Variants in SCNN1A observed in about 807,000 individuals in gnomAD.
The protein encoded by SCNN1A is epithelial sodium channel subunit alpha.
In SCNN1A, 65 loss-of-function variants were observed where a neutral mutation model predicts 68.6. That is an observed-to-expected ratio of 0.95 (90% CI 0.78 to 1.16). SCNN1A has a LOEUF of 1.16. Among genes scored for constraint, SCNN1A ranks in the 50% most tolerant of loss-of-function variants. SCNN1A has a pLI of 0.00. For missense variants in SCNN1A, 880 were observed against 865.9 expected (o/e 1.02, Z -0.20); for synonymous variants, 357 against 353.3 (o/e 1.01, Z -0.12).
chr12:6,375,250 CT>C, intron 1 of SCNN1A: 1 of 1,438,694 alleles, frequency 7.0e-7, no homozygotes, highest in East Asian at 2.5e-5. Context: ...CTGCTCTCCT[CT>C]TTCTGGCCTG....
Position 6,354,877 on chromosome 12 carries a change from G to C in SCNN1A, c.1144-29C>G, listed in dbSNP as rs1360467616. 1.4e-5 allele frequency: 22 copies of C among 1,576,834 alleles called. No homozygotes were observed. In the Admixed American group the frequency reaches 3.5e-4, roughly 25 times the overall value. On this transcript the variant is annotated intron_variant, in intron 6 of 12. Coordinates refer to ENST00000228916, the MANE Select transcript of SCNN1A (RefSeq NM_001038.6). Reference sequence around the variant, plus strand: ...TGAACCCACATACACCAAGAGATCAGAGGACAGAGCAAGTGCCTCTGGGTT... The same window carrying C: ...TGAACCCACATACACCAAGAGATCACAGGACAGAGCAAGTGCCTCTGGGTT...
rs746089331 is a variant in SCNN1A, at chr12:6,363,656, C to T, written c.471G>A (p.Thr157=). The change falls in exon 3 of 13, where the codon ACG becomes ACA. Residue 157 remains threonine, a synonymous_variant. Coordinates refer to ENST00000228916, the MANE Select transcript of SCNN1A (RefSeq NM_001038.6). ...AGCTGTATTTGTACAGGTCAAAGAG[C>T]GTCTGCTCTGTGATGCGGTCCAGCT... ...LEELDRITEQ[T]LFDLYKYSSF... The T allele has an allele frequency of 1.9e-6, 3 of 1,610,840 alleles. No homozygotes were observed. The highest frequency in any genetic ancestry group is 1.1e-5 in the South Asian group (1 of 90,562).
At position 6,375,545 on chromosome 12, in the gene SCNN1A, G is replaced by C. The variant is rs1363713421; in HGVS notation, c.-95C>G. ...GCCTGGCTGGGGAGCCCGCCCGCTG[G>C]CCGGCCAGGGATGGAAGCGACAGGA... On this transcript the variant is annotated 5_prime_UTR_variant, in exon 1 of 13. Transcript: ENST00000228916. 4 of 1,534,868 alleles carry C rather than the reference G, an allele frequency of 2.6e-6. No individual in the cohort carries two copies. The African/African-American group carries it at 5.5e-5, about 21-fold the overall frequency.
At chr12:6,377,171 CTCTCTTGCGGCAG>C, upstream of SCNN1A, 1 of 1,227,770 alleles carries the variant, frequency 8.1e-7, no homozygotes, top group Non-Finnish European at 1.2e-6. Context: ...CTGTGGCTTC[CTCTCTTGCGGCAG>C]TCTCTTGCGA....
rs1948332571 is a variant in SCNN1A at position 6,349,425 on chromosome 12, C to T, written c.1361-20G>A. 6.5e-7 allele frequency: 1 copy of T among 1,548,778 alleles called. No individual in the cohort carries two copies. The highest frequency in any genetic ancestry group is 8.8e-7 in the Non-Finnish European group (1 of 1,139,336). On this transcript the variant is annotated intron_variant, in intron 8 of 12. Coordinates refer to ENST00000228916, the MANE Select transcript of SCNN1A (RefSeq NM_001038.6). ...AGTACCCTGTGGGTACAGAGAGATGCCTGTTCTCCTAGGGCACCTCAGCTT... is the reference window on the plus strand; with the variant it reads ...AGTACCCTGTGGGTACAGAGAGATGTCTGTTCTCCTAGGGCACCTCAGCTT...
intron 8 of SCNN1A, chr12:6,353,588 T>A (rs1278677428): frequency 2.0e-5 from 3 of 149,924 alleles, no homozygotes; most frequent in South Asian, 2.1e-4. Context: ...TATTTATTTA[T>A]TTTATTTATT....
At chr12:6,375,597 G>C (rs1948892070), upstream of SCNN1A, 1 of 1,343,174 alleles carries the variant, frequency 7.4e-7, no homozygotes, top group East Asian at 2.6e-5. Context: ...AATTAAAGGT[G>C]AGCAGGGCGG....
intron 8 of SCNN1A, among the ~76,000 whole-genome samples, chr12:6,352,609 T>C (rs17725256): frequency 0.027 from 4,164 of 152,348 alleles, 168 homozygotes; most frequent in African/African-American, 0.089. Context: ...ATCCCAGTTC[T>C]GTATACCCTG....
intron 2 of SCNN1A, among the ~76,000 whole-genome samples, chr12:6,366,218 C>T (rs1486742190): frequency 2.0e-5 from 3 of 151,990 alleles, no homozygotes; most frequent in South Asian, 2.1e-4. Context: ...TAAAATGATA[C>T]GATCATTTTG....
rs1181489147 is a variant in SCNN1A, at chr12:6,363,516, C to G, written c.611G>C (p.Arg204Pro). 1 of 1,608,876 alleles carries G rather than the reference C, an allele frequency of 6.2e-7. No homozygotes were observed. Among genetic ancestry groups the G allele is most frequent in the Non-Finnish European group, 8.5e-7 (1 of 1,177,630 alleles). The change falls in exon 3 of 13, where the codon CGT becomes CCT. Residue 204 changes from arginine (R) to proline (P), a missense_variant. Coordinates refer to ENST00000228916, the MANE Select transcript of SCNN1A (RefSeq NM_001038.6). ...PPPPHGARRA[R>P]SVASSLRDNN... ...GTCCCGCAAGCTGGAGGCCACGCTA[C>G]GGGCTCGACGGGCCCCGTGAGGCGG... is the stretch of plus-strand genomic sequence containing the variant.
chr12:6,357,245 A>G lies in SCNN1A; in HGVS notation c.876-1365T>C, dbSNP rs996485242. ...CAGGCACAAGTTCCATCAGCGGTGG[A>G]GAAACACGGATGGGTTTTAAAACAT... On this transcript the variant is annotated intron_variant, in intron 4 of 12. Coordinates refer to ENST00000228916, the MANE Select transcript of SCNN1A (RefSeq NM_001038.6). Among the ~76,000 whole-genome samples, 4 of 152,156 alleles carry G rather than the reference A, an allele frequency of 2.6e-5. No individual in the cohort carries two copies. The East Asian group carries it at 7.7e-4, about 29-fold the overall frequency.
chr12:6,352,686 C>A (rs1339677252), intron 8 of SCNN1A, among the ~76,000 whole-genome samples: 2 of 152,208 alleles, frequency 1.3e-5, no homozygotes, highest in African/African-American at 2.4e-5. Flanking sequence ...GGCCAGATGG[C>A]CTTTGGGTTT....
chr12:6,363,138 CAAT>C lies in SCNN1A; in HGVS notation c.684+302_684+304del, dbSNP rs111848554. 0.19 allele frequency among the ~76,000 whole-genome samples: 27,763 copies of C among 146,498 alleles called. 2,941 individuals are homozygous for C. Among genetic ancestry groups the C allele is most frequent in the East Asian group, 0.48 (2,254 of 4,708 alleles). ...GAATCAAGGACCAGAAACAGTAAAACAATAATAATAATAATAATAATAAAAGTT... is the reference window on the plus strand; with the variant it reads ...GAATCAAGGACCAGAAACAGTAAAACAATAATAATAATAATAATAAAAGTT... On this transcript the variant is annotated intron_variant, in intron 3 of 12. Transcript: ENST00000228916.
intron 2 of SCNN1A, among the ~76,000 whole-genome samples, chr12:6,365,277 A>C (rs117086339): frequency 3.3e-5 from 5 of 152,256 alleles, no homozygotes; most frequent in Non-Finnish European, 7.4e-5. Context: ...TCAGCCTCCT[A>C]AAGTGCTGGG....
intron 2 of SCNN1A, among the ~76,000 whole-genome samples, chr12:6,369,535 T>C (rs1465978001): frequency 6.6e-6 from 1 of 152,132 alleles, no homozygotes; most frequent in Non-Finnish European, 1.5e-5. Flanking sequence ...TTTTTTGGCA[T>C]AAGATAAGAC....
intron 3 of SCNN1A, among the ~76,000 whole-genome samples, 193 bp downstream of exon 3, chr12:6,363,250 C>T (rs1451997452): frequency 6.6e-6 from 1 of 151,944 alleles, no homozygotes; most frequent in South Asian, 2.1e-4. Flanking sequence ...AGCTTGGGCA[C>T]CAAGAGGTGT....
intron 8 of SCNN1A, chr12:6,349,803 T>G (rs367893204): frequency 4.8e-6 from 1 of 208,772 alleles, no homozygotes; most frequent in South Asian, 6.6e-5. Context: ...CTTGGCTCAC[T>G]GCAAGCTCCG....
Position 6,372,537 on chromosome 12 carries a change from CTTTTTCCTGGACTGTCT to C in SCNN1A, c.416+1814_416+1830del, listed in dbSNP as rs1476484695. 9.2e-5 allele frequency among the ~76,000 whole-genome samples: 14 copies of C among 152,224 alleles called. No individual in the cohort carries two copies. Among genetic ancestry groups the C allele is most frequent in the African/African-American group, 2.4e-5 (1 of 41,450 alleles). On this transcript the variant is annotated intron_variant, in intron 2 of 12. Transcript: ENST00000228916. The surrounding 1 kb of genome is among the most constrained non-coding windows in gnomAD (Gnocchi z 5.8). The stretch of plus-strand genomic sequence containing the variant: ...AGGGCTTATGGCTTCCTTTCCCCGG[CTTTTTCCTGGACTGTCT>C]AGGGCCCCGCATCCAGCAGAACCTA...
chr12:6,375,899 A>C (rs1209328647), upstream of SCNN1A: 2 of 1,226,410 alleles, frequency 1.6e-6, no homozygotes, highest in Non-Finnish European at 2.0e-6. Context: ...AGAGGGAGAC[A>C]ATAGAGAGGG....
Sources: allele counts gnomAD v4.1 joint callset (sites outside exome capture counted in the v4.1 genomes callset), GRCh38; gene constraint gnomAD v4.1.1; non-coding constraint Gnocchi (gnomAD v3.1); transcripts MANE v1.5; gene names NCBI Gene and HGNC (gene_info 2026-07-23, HGNC 2026-07-21).